Variants in WWOX observed in about 807,000 individuals in gnomAD.
WWOX encodes the protein WW domain containing oxidoreductase, also known as WW domain-containing oxidoreductase.
A neutral mutation model predicts 46.2 loss-of-function variants in WWOX; 69 were observed. The observed-to-expected ratio is 1.49, with a 90% CI of 1.23 to 1.82. WWOX has a LOEUF of 1.82. WWOX is among the 40% of genes most tolerant of loss of function. The pLI is 0.00. For missense variants in WWOX, 919 were observed against 542.6 expected, an observed-to-expected ratio of 1.69 and a Z score of -6.89; for synonymous variants, 359 against 202.6, an observed-to-expected ratio of 1.77 and a Z score of -6.56.
At chr16:78,190,909 T>G (rs549207150) in intron 5 of WWOX, among the ~76,000 whole-genome samples, 1 of 152,274 alleles carries the variant, frequency 6.6e-6, no homozygotes, top group East Asian at 1.9e-4. Flanking sequence ...CATTTGTTGT[T>G]TTTTTGGGAC....
At chr16:79,189,314 G>A (rs1361445638) in intron 8 of WWOX, among the ~76,000 whole-genome samples, 1 of 151,818 alleles carries the variant, frequency 6.6e-6, no homozygotes, top group Non-Finnish European at 1.5e-5. Context: ...CTGGAGTACA[G>A]TGTCACCATT....
At chr16:79,023,525 C>T (rs942846891) in intron 8 of WWOX, among the ~76,000 whole-genome samples, 9 of 152,092 alleles carry the variant, frequency 5.9e-5, no homozygotes, top group Non-Finnish European at 1.2e-4. Context: ...CATAGTGGGG[C>T]GTCCTTTAAG....
At chr16:78,618,975 T>C (rs917810095) in intron 8 of WWOX, among the ~76,000 whole-genome samples, 2 of 149,134 alleles carry the variant, frequency 1.3e-5, no homozygotes, top group South Asian at 4.3e-4. Context: ...ATACTGAAAT[T>C]TCTGGGCAAA....
chr16:78,461,255 C>T (rs2738653), intron 8 of WWOX, among the ~76,000 whole-genome samples: 19,690 of 152,158 alleles, frequency 0.13, 1,329 homozygotes, highest in Non-Finnish European at 0.15. Flanking sequence ...TCCTGGGCAT[C>T]CTGTATTTGA....
chr16:78,993,256 C>G (rs2046923560), intron 8 of WWOX, among the ~76,000 whole-genome samples: 1 of 149,476 alleles, frequency 6.7e-6, no homozygotes, highest in South Asian at 2.1e-4. Context: ...CGAAACTTTA[C>G]TATTTGGGGG....
intron 5 of WWOX, among the ~76,000 whole-genome samples, chr16:78,173,166 A>T (rs1012347080): frequency 6.6e-6 from 1 of 152,232 alleles, no homozygotes; most frequent in East Asian, 1.9e-4. Flanking sequence ...TAATTTTTAC[A>T]TATGCAGACG....
chr16:78,797,333 T>C (rs1284295983), intron 8 of WWOX, among the ~76,000 whole-genome samples: 1 of 120,876 alleles, frequency 8.3e-6, no homozygotes, highest in Non-Finnish European at 1.6e-5. Context: ...GGACACAAGG[T>C]ATGCAATTTT....
intron 5 of WWOX, among the ~76,000 whole-genome samples, chr16:78,281,264 C>T (rs1027040886): frequency 2.0e-5 from 3 of 152,206 alleles, no homozygotes; most frequent in African/African-American, 7.2e-5. Flanking sequence ...GGCTCCGCCC[C>T]AGTGATTCAA....
chr16:78,576,441 C>T (rs2044882132), intron 8 of WWOX, among the ~76,000 whole-genome samples: 1 of 152,278 alleles, frequency 6.6e-6, no homozygotes, highest in South Asian at 2.1e-4. Flanking sequence ...TGTCTGGAGG[C>T]GTTGGGCTTG....
intron 8 of WWOX, among the ~76,000 whole-genome samples, chr16:78,768,273 A>T (rs1279320927): frequency 7.1e-6 from 1 of 140,344 alleles, no homozygotes; most frequent in African/African-American, 2.8e-5. Flanking sequence ...AAAGTGATAG[A>T]TGAGTTAAAA....
At chr16:78,405,564 G>A (rs994129806) in intron 6 of WWOX, among the ~76,000 whole-genome samples, 1 of 152,130 alleles carries the variant, frequency 6.6e-6, no homozygotes, top group Non-Finnish European at 1.5e-5. Flanking sequence ...CAGACATATT[G>A]AGTAAGGGCA....
chr16:78,565,241 G>A (rs1013978311), intron 8 of WWOX, among the ~76,000 whole-genome samples: 5 of 152,158 alleles, frequency 3.3e-5, no homozygotes, highest in African/African-American at 7.2e-5. Flanking sequence ...TACCAAAAAC[G>A]TACTGGCTTT....
At chr16:78,504,744 A>G (rs2085150614) in intron 8 of WWOX, among the ~76,000 whole-genome samples, 1 of 152,042 alleles carries the variant, frequency 6.6e-6, no homozygotes, top group South Asian at 2.1e-4. Context: ...TGGGGCTTGG[A>G]ACCACGCCAC....
intron 5 of WWOX, among the ~76,000 whole-genome samples, chr16:78,198,742 A>G (rs2036137819): frequency 6.6e-6 from 1 of 151,976 alleles, no homozygotes; most frequent in East Asian, 1.9e-4. Flanking sequence ...TATGTTTGTA[A>G]CTTCAGATTT....
intron 8 of WWOX, among the ~76,000 whole-genome samples, chr16:78,538,802 G>A (rs766331645): frequency 6.6e-6 from 1 of 152,168 alleles, no homozygotes; most frequent in Non-Finnish European, 1.5e-5. Flanking sequence ...ACGCATGGGT[G>A]GAAATGTATA....
At chr16:78,461,243 T>G (rs1283371529) in intron 8 of WWOX, among the ~76,000 whole-genome samples, 1 of 152,184 alleles carries the variant, frequency 6.6e-6, no homozygotes, top group Non-Finnish European at 1.5e-5. Flanking sequence ...AATTCTAGCT[T>G]CTCCTGGGCA....
intron 8 of WWOX, among the ~76,000 whole-genome samples, chr16:78,839,355 AC>A (rs1029784482): frequency 2.0e-5 from 3 of 151,980 alleles, no homozygotes; most frequent in African/African-American, 7.3e-5. Context: ...GTAATATCCA[AC>A]CTTTTCATGT....
At chr16:78,249,413 T>TA (rs1253666033) in intron 5 of WWOX, among the ~76,000 whole-genome samples, 5 of 152,232 alleles carry the variant, frequency 3.3e-5, no homozygotes, top group African/African-American at 1.2e-4. Flanking sequence ...TGATAGTAGC[T>TA]ACCTCCAGTG....
chr16:78,400,807 T>G (rs888873807), intron 6 of WWOX, among the ~76,000 whole-genome samples: 3 of 152,198 alleles, frequency 2.0e-5, no homozygotes, highest in Non-Finnish European at 4.4e-5. Flanking sequence ...AACACTACAA[T>G]TCATATATCA....
Sources: gnomAD v4.1 joint callset for allele counts (sites outside exome capture counted in the v4.1 genomes callset) on GRCh38, gnomAD v4.1.1 for gene constraint, MANE v1.5 for transcripts, NCBI Gene and HGNC (gene_info 2026-07-23, HGNC 2026-07-21) for gene names.